Variants in PCDHA11 observed in about 807,000 individuals in gnomAD.
The protein encoded by PCDHA11 is protocadherin alpha 11, also known as protocadherin alpha-11.
A neutral mutation model predicts 70.3 loss-of-function variants in PCDHA11; 61 were observed. The observed-to-expected ratio is 0.87, with a 90% CI of 0.71 to 1.07. The LOEUF is 1.07. PCDHA11 is among the 50% of genes least tolerant of loss of function. PCDHA11 has a pLI of 0.00. For missense variants in PCDHA11, 1,324 were observed against 1,237.5 expected, an observed-to-expected ratio of 1.07 and a Z score of -1.05; for synonymous variants, 633 against 555.1, an observed-to-expected ratio of 1.14 and a Z score of -1.97.
intron 1 of PCDHA11, chr5:140,877,432 C>T: frequency 6.2e-7 from 1 of 1,613,874 alleles, no homozygotes; most frequent in Non-Finnish European, 8.5e-7. Flanking sequence ...GGTGAAGGAC[C>T]ACGGTGAGCC....
chr5:140,870,777 C>G lies in PCDHA11; in HGVS notation c.1674C>G (p.Asn558Lys). 1.9e-6 allele frequency: 3 copies of G among 1,613,612 alleles called. No homozygotes were observed. Among genetic ancestry groups the G allele is most frequent in the East Asian group, 4.5e-5 (2 of 44,874 alleles). ...VTLQVFVLDE[N>K]DNAPALLATQ... is the part of the protein sequence containing the mutation. ...TGCAGGTGTTCGTGCTGGACGAGAA[C>G]GACAACGCGCCGGCACTGCTGGCGA... Residue 558 changes from asparagine to lysine, a missense_variant, in exon 1 of 4, where the codon AAC (asparagine) becomes AAG (lysine). Transcript: ENST00000398640.
intron 1 of PCDHA11, among the ~76,000 whole-genome samples, chr5:140,906,871 A>G (rs953788729): frequency 6.6e-6 from 1 of 152,184 alleles, no homozygotes; most frequent in African/African-American, 2.4e-5. Flanking sequence ...CCCAGCCAAC[A>G]CTGTAACTTC....
At chr5:140,916,252 G>A (rs2077495466) in intron 1 of PCDHA11, among the ~76,000 whole-genome samples, 1 of 152,176 alleles carries the variant, frequency 6.6e-6, no homozygotes, top group Admixed American at 6.5e-5. Flanking sequence ...TGGACTTGGG[G>A]ACCCCAAGAG....
At chr5:140,987,045 C>G (rs1344958949) in intron 3 of PCDHA11, among the ~76,000 whole-genome samples, 1 of 151,982 alleles carries the variant, frequency 6.6e-6, no homozygotes, top group Non-Finnish European at 1.5e-5. Flanking sequence ...GAAACCCCAT[C>G]TCTACTAAAG....
chr5:140,869,938 T>TA lies in PCDHA11; in HGVS notation c.836dup (p.Tyr279Ter), dbSNP rs2051517617. 1 of 1,611,918 alleles carries TA rather than the reference T, an allele frequency of 6.2e-7. No homozygotes were observed. Among genetic ancestry groups the TA allele is most frequent in the Admixed American group, 1.7e-5 (1 of 59,756 alleles). Residue 279 changes from tyrosine (Y) to a stop codon, truncating the protein, a stop_gained and frameshift_variant, in exon 1 of 4, where the codon TAC becomes TAAC. Coordinates refer to ENST00000398640, the MANE Select transcript of PCDHA11 (RefSeq NM_018902.5). LOFTEE classifies it high-confidence loss of function. ...CGAAGGAGTCAATGGAGAGGTAACA[T>TA]ACTCCTTAATGTCAATTAAGCCCAA... is the stretch of plus-strand genomic sequence containing the variant. ...RDEGVNGEVT[Y>*]SLMSIKPNGR...
intron 1 of PCDHA11, chr5:140,882,698 G>C: frequency 1.2e-6 from 2 of 1,614,200 alleles, no homozygotes; most frequent in Non-Finnish European, 1.7e-6. Flanking sequence ...AATCATTGCA[G>C]AATCTAGACC....
chr5:140,928,940 AT>A (rs573936635), intron 1 of PCDHA11: 94 of 1,614,062 alleles, frequency 5.8e-5, no homozygotes, highest in Non-Finnish European at 7.9e-5. Flanking sequence ...CAGAACTTGT[AT>A]TTAGTAATTG....
intron 1 of PCDHA11, among the ~76,000 whole-genome samples, chr5:140,936,603 C>T (rs552102837): frequency 2.0e-5 from 3 of 152,324 alleles, no homozygotes; most frequent in Admixed American, 6.5e-5. Context: ...CTACTTTCCT[C>T]GCTGCTACTG....
intron 1 of PCDHA11, chr5:140,875,784 C>T (rs782115108): frequency 3.7e-5 from 60 of 1,614,200 alleles, no homozygotes; most frequent in Non-Finnish European, 5.0e-5. Flanking sequence ...AGTGCAGTAT[C>T]CACCTGGAGG....
At chr5:140,987,268 C>T (rs190952772) in intron 3 of PCDHA11, among the ~76,000 whole-genome samples, 177 of 151,894 alleles carry the variant, frequency 1.2e-3, no homozygotes, top group African/African-American at 4.1e-3. Flanking sequence ...GAATGGGACC[C>T]GGCAGTCTAT....
chr5:140,909,491 A>G (rs1031839388), intron 1 of PCDHA11, among the ~76,000 whole-genome samples: 5 of 152,218 alleles, frequency 3.3e-5, no homozygotes, highest in Non-Finnish European at 7.3e-5. Context: ...GGAGAGCTGA[A>G]CGGGGATGTG....
At chr5:140,876,056 T>G in intron 1 of PCDHA11, 1 of 1,613,918 alleles carries the variant, frequency 6.2e-7, no homozygotes, top group Non-Finnish European at 8.5e-7. Flanking sequence ...CCTGAATTAG[T>G]TCTTCGGAAG....
chr5:141,009,686 A>G lies in PCDHA11; in HGVS notation c.2599A>G (p.Thr867Ala). Residue 867 changes from threonine to alanine, a missense_variant, in exon 4 of 4, where the codon ACC becomes GCC. Thr to Ala is a moderately conservative substitution (Grantham distance 58). Coordinates refer to ENST00000398640, the MANE Select transcript of PCDHA11 (RefSeq NM_018902.5). ...VGAGVNSNSW[T>A]FKYGPGNPKQ... ...TGCGGGTGTCAACAGCAACAGCTGG[A>G]CCTTTAAATACGGACCAGGCAACCC... is the stretch of plus-strand genomic sequence containing the variant. The G allele has an allele frequency of 6.2e-7, 1 of 1,613,998 alleles. No homozygotes were observed. The highest frequency in any genetic ancestry group is 8.5e-7 in the Non-Finnish European group (1 of 1,179,996).
chr5:140,939,240 AGGT>A (rs1314261929), intron 1 of PCDHA11, among the ~76,000 whole-genome samples: 2 of 152,170 alleles, frequency 1.3e-5, no homozygotes, highest in African/African-American at 4.8e-5. Context: ...GGAAGGAGCA[AGGT>A]AGCTCTCTGG....
chr5:140,967,173 T>C, intron 1 of PCDHA11: 1 of 1,611,178 alleles, frequency 6.2e-7, no homozygotes, highest in Non-Finnish European at 8.5e-7. Context: ...GCCGTTGAGG[T>C]GGAAATATTG....
intron 1 of PCDHA11, among the ~76,000 whole-genome samples, chr5:140,947,593 T>C (rs2094149533): frequency 1.3e-5 from 2 of 151,712 alleles, no homozygotes; most frequent in African/African-American, 2.4e-5. Context: ...TAGATCAATT[T>C]AGGGAAGATT....
intron 1 of PCDHA11, among the ~76,000 whole-genome samples, chr5:140,901,280 T>G (rs1554189719): frequency 1.3e-5 from 2 of 152,132 alleles, no homozygotes. Context: ...CTCAAGAAAT[T>G]TTTGCCCAGA....
rs782603246 is a variant in PCDHA11, at chr5:140,883,847, G to T, written c.2391+12353G>T. On this transcript the variant is annotated intron_variant, in intron 1 of 3. Transcript: ENST00000398640. ...CGCGCTGCAGCCGTTGGACCACGAGGAGCTGGAGCTGTTGCAGTTCCAGGT... is the reference window on the plus strand; with the variant it reads ...CGCGCTGCAGCCGTTGGACCACGAGTAGCTGGAGCTGTTGCAGTTCCAGGT... 4.3e-6 allele frequency: 7 copies of T among 1,612,760 alleles called. No individual in the cohort carries two copies. The East Asian group carries it at 1.3e-4, about 31-fold the overall frequency.
rs554073823 is a variant in PCDHA11 at position 140,945,407 on chromosome 5, T to C, written c.2392-33542T>C. Among the ~76,000 whole-genome samples, 498 of 152,246 alleles carry C rather than the reference T, an allele frequency of 3.3e-3. 2 individuals carry two copies. Among genetic ancestry groups the C allele is most frequent in the African/African-American group, 0.011 (476 of 41,568 alleles). ...CAATATACAAATTCAATACAATTCG[T>C]ATCAAAATTTCAATGAAGTTTTTAC... On this transcript the variant is annotated intron_variant, in intron 1 of 3. Coordinates refer to ENST00000398640, the MANE Select transcript of PCDHA11 (RefSeq NM_018902.5).
Sources: allele counts gnomAD v4.1 joint callset (sites outside exome capture counted in the v4.1 genomes callset), GRCh38; gene constraint gnomAD v4.1.1; transcripts MANE v1.5; gene names NCBI Gene and HGNC (gene_info 2026-07-23, HGNC 2026-07-21).